Variants in SGMS1 observed in about 807,000 individuals in gnomAD.
SGMS1 encodes the protein sphingomyelin synthase 1.
Under a neutral mutation model 46.2 loss-of-function variants are expected in SGMS1, and 13 were observed. The observed-to-expected ratio is 0.28, with a 90% confidence interval of 0.18 to 0.45. SGMS1 has a LOEUF of 0.45. Ranked by LOEUF, SGMS1 falls within the 20% of genes least tolerant of loss-of-function variation. SGMS1 has a pLI of 1.00. For missense variants in SGMS1, 324 were observed against 519.9 expected (o/e 0.62, Z 3.66); for synonymous variants, 203 against 187.8 (o/e 1.08, Z -0.66).
chr10:50,589,916 A>G (rs1057024093), intron 2 of SGMS1, among the ~76,000 whole-genome samples: 1 of 152,228 alleles, frequency 6.6e-6, no homozygotes, highest in African/African-American at 2.4e-5. Context: ...GAATATCCTT[A>G]TTTGTAAGAG....
chr10:50,376,792 A>G (rs1431251552), intron 6 of SGMS1, among the ~76,000 whole-genome samples: 1 of 152,134 alleles, frequency 6.6e-6, no homozygotes, highest in Non-Finnish European at 1.5e-5. Context: ...ATAGTATTCC[A>G]TGGTGTATAT....
chr10:50,356,872 T>A (rs2574977), intron 6 of SGMS1, among the ~76,000 whole-genome samples: 127,544 of 151,904 alleles, frequency 0.84, 53,844 homozygotes, highest in Middle Eastern at 0.9. Flanking sequence ...AACAATGAGA[T>A]CACATGGACA....
chr10:50,589,657 G>C (rs958912923), intron 2 of SGMS1, among the ~76,000 whole-genome samples: 5 of 150,924 alleles, frequency 3.3e-5, no homozygotes, highest in African/African-American at 1.2e-4. Context: ...ATTTTTTCTA[G>C]AGATGGGTCT....
At position 50,610,872 on chromosome 10, in the gene SGMS1, T is replaced by A. The variant is rs926184329; in HGVS notation, c.-684+12835A>T. Among the ~76,000 whole-genome samples the A allele has an allele frequency of 1.1e-4, 16 of 152,202 alleles. No individual in the cohort carries two copies. In the South Asian group the frequency reaches 3.1e-3, roughly 30 times the overall value. ...ACCTGTATCCTGGCCTCGTTCAACG[T>A]CAAAGCTGCCAGTCTCCACAATTCT... On this transcript the variant is annotated intron_variant, in intron 1 of 10. Coordinates refer to ENST00000361781, the MANE Select transcript of SGMS1 (RefSeq NM_147156.4).
At chr10:50,363,210 CGAAGAGAACAGAAGA>C (rs1369278582) in intron 6 of SGMS1, among the ~76,000 whole-genome samples, 27 of 151,848 alleles carry the variant, frequency 1.8e-4, no homozygotes, top group Non-Finnish European at 2.6e-4. Context: ...TCAAAACAGT[CGAAGAGAACAGAAGA>C]GAAGAGAACA....
chr10:50,395,980 G>A (rs1247581938), intron 6 of SGMS1, among the ~76,000 whole-genome samples: 3 of 152,122 alleles, frequency 2.0e-5, no homozygotes, highest in African/African-American at 7.2e-5. Flanking sequence ...GTATACTGCT[G>A]AAAAAGTTAT....
chr10:50,624,962 G>C (rs1838908271), upstream of SGMS1: 1 of 1,035,620 alleles, frequency 9.7e-7, no homozygotes, highest in Non-Finnish European at 1.2e-6. Context: ...TCTTCCGCCC[G>C]GCCATCGGGC....
chr10:50,454,050 C>CAAAAAAAAA (rs71846628), intron 5 of SGMS1, among the ~76,000 whole-genome samples: 100 of 97,832 alleles, frequency 1.0e-3, no homozygotes, highest in Non-Finnish European at 1.2e-3. Flanking sequence ...TTTACATAGG[C>CAAAAAAAAA]AAAAAAAAAA....
chr10:50,518,493 C>T (rs1837828986), intron 3 of SGMS1, among the ~76,000 whole-genome samples: 1 of 152,306 alleles, frequency 6.6e-6, no homozygotes, highest in East Asian at 1.9e-4. Flanking sequence ...ATGGCATGAT[C>T]TTGGCTCATT....
At chr10:50,398,172 G>A (rs1176049194) in intron 6 of SGMS1, among the ~76,000 whole-genome samples, 1 of 151,990 alleles carries the variant, frequency 6.6e-6, no homozygotes, top group East Asian at 1.9e-4. Context: ...AAAAAGTAGA[G>A]GTCTTCAGAA....
rs1847189283 is a variant in SGMS1 at position 50,307,018 on chromosome 10, T to C, written c.*124A>G. 1.0e-6 allele frequency: 1 copy of C among 958,184 alleles called. No homozygotes were observed. Among genetic ancestry groups the C allele is most frequent in the African/African-American group, 1.6e-5 (1 of 60,614 alleles). The allele number at this position is 958,184 out of a possible 1,614,324, so 59.4% of individuals were successfully genotyped here. On this transcript the variant is annotated 3_prime_UTR_variant, in exon 11 of 11. Transcript: ENST00000361781. This position sits in a 1 kb window ranked among gnomAD's most constrained non-coding sequence, Gnocchi z 4.2. ...TCACAGTGCTGACCAGGTAACTCAA[T>C]AGGTTAAGTCAAGGTAACCATTGAA...
chr10:50,384,517 T>G (rs1848654231), intron 6 of SGMS1, among the ~76,000 whole-genome samples: 1 of 151,622 alleles, frequency 6.6e-6, no homozygotes, highest in Non-Finnish European at 1.5e-5. Context: ...TCTTTTCTTT[T>G]CTCTGAAATG....
intron 3 of SGMS1, among the ~76,000 whole-genome samples, chr10:50,494,699 T>C (rs1837595654): frequency 6.6e-6 from 1 of 152,072 alleles, no homozygotes; most frequent in South Asian, 2.1e-4. Context: ...ATCTGTGGGA[T>C]GAAATAATCT....
intron 6 of SGMS1, among the ~76,000 whole-genome samples, chr10:50,427,151 C>A (rs931884567): frequency 3.9e-5 from 6 of 152,186 alleles, no homozygotes; most frequent in African/African-American, 1.2e-4. Context: ...GTAATCCCAG[C>A]ACTTTGGAAG....
chr10:50,398,326 T>A (rs1235175468), intron 6 of SGMS1, among the ~76,000 whole-genome samples: 1 of 152,166 alleles, frequency 6.6e-6, no homozygotes, highest in Non-Finnish European at 1.5e-5. Context: ...AATATGATCA[T>A]ATCATCAGAT....
chr10:50,394,892 T>C (rs1848824041), intron 6 of SGMS1, among the ~76,000 whole-genome samples: 1 of 152,208 alleles, frequency 6.6e-6, no homozygotes, highest in South Asian at 2.1e-4. Flanking sequence ...TGACTATGAT[T>C]AAGCTTTTTA....
intron 6 of SGMS1, among the ~76,000 whole-genome samples, chr10:50,398,961 G>A (rs1026150080): frequency 3.9e-5 from 6 of 151,970 alleles, no homozygotes; most frequent in Non-Finnish European, 7.4e-5. Flanking sequence ...GTCCAGGACC[G>A]GAAACACTTT....
intron 2 of SGMS1, among the ~76,000 whole-genome samples, chr10:50,553,591 G>C (rs751580529): frequency 2.0e-5 from 3 of 152,040 alleles, no homozygotes; most frequent in Non-Finnish European, 2.9e-5. Flanking sequence ...CCAATTTCTA[G>C]CTTGGGGCAT....
At chr10:50,471,066 A>C (rs1324096267) in intron 3 of SGMS1, among the ~76,000 whole-genome samples, 3 of 152,226 alleles carry the variant, frequency 2.0e-5, no homozygotes, top group Non-Finnish European at 4.4e-5. Context: ...TACTAAAAAA[A>C]GATGATAAAG....
Sources: allele counts gnomAD v4.1 joint callset (sites outside exome capture counted in the v4.1 genomes callset), GRCh38; gene constraint gnomAD v4.1.1; non-coding constraint Gnocchi (gnomAD v3.1); transcripts MANE v1.5; gene names NCBI Gene and HGNC (gene_info 2026-07-23, HGNC 2026-07-21).